Variants in PCGF2 observed in about 807,000 individuals in gnomAD.
PCGF2 encodes the protein polycomb group RING finger protein 2.
PCGF2 carries 8 observed loss-of-function variants against 36.1 expected under a neutral mutation model. That is an observed-to-expected ratio of 0.22 (90% CI 0.13 to 0.40). The LOEUF (loss-of-function observed/expected upper bound fraction) is 0.40, where lower values mean the gene tolerates loss of function less well. Among genes scored for constraint, PCGF2 ranks in the 10% least tolerant of loss-of-function variants. PCGF2 has a pLI of 1.00. For missense variants in PCGF2, 436 were observed against 475.9 expected (o/e 0.92, Z 0.78); for synonymous variants, 198 against 191.2 (o/e 1.04, Z -0.29).
intron 2 of PCGF2, chr17:38,746,342 A>G (rs1249931148): frequency 6.7e-6 from 1 of 149,792 alleles, no homozygotes; most frequent in African/African-American, 2.5e-5. Context: ...CACACACACA[A>G]TCACAGCCAG....
At position 38,737,910 on chromosome 17, in the gene PCGF2, CA is replaced by C. The variant is rs57011839; in HGVS notation, c.576+442del. Among the ~76,000 whole-genome samples the C allele has an allele frequency of 8.0e-3, 713 of 89,256 alleles. 5 individuals are homozygous for C. The highest frequency in any genetic ancestry group is 0.028 in the African/African-American group (608 of 21,522). The allele number at this position is 89,256 out of a possible 152,430, so 58.6% of individuals were successfully genotyped here. The stretch of plus-strand genomic sequence containing the variant: ...CTGGTGACAGAGCAAGACTCCATCT[CA>C]AAAAAAAAAAAAAAAAAGGAAATAT... On this transcript the variant is annotated intron_variant, in intron 9 of 10. Transcript: ENST00000620225.
At chr17:38,746,156 CCCTT>C (rs1369913585) in intron 2 of PCGF2, among the ~76,000 whole-genome samples, 1 of 152,054 alleles carries the variant, frequency 6.6e-6, no homozygotes, top group Non-Finnish European at 1.5e-5. Flanking sequence ...ACTCAACCCT[CCCTT>C]CCTCCCTCTC....
chr17:38,742,760 T>C (rs945821990), intron 2 of PCGF2, among the ~76,000 whole-genome samples: 2 of 152,202 alleles, frequency 1.3e-5, no homozygotes, highest in African/African-American at 4.8e-5. Context: ...ACAATCCAAG[T>C]GGCTGTCTCT....
intron 3 of PCGF2, among the ~76,000 whole-genome samples, chr17:38,740,009 C>T (rs1036693774): frequency 6.6e-6 from 1 of 152,226 alleles, no homozygotes. Context: ...GCCCACAGTG[C>T]AAACAAGGGG....
chr17:38,739,016 A>G lies in PCGF2; in HGVS notation c.316+52T>C. ...GGGTGAGGGGTAGCGCTACACACCT[A>G]CATGGTCCCAGGCAAGACTGTGCAC... On this transcript the variant is annotated intron_variant, in intron 6 of 10. Transcript: ENST00000620225. This position sits in a 1 kb window ranked among gnomAD's most constrained non-coding sequence, Gnocchi z 4.0. The G allele has an allele frequency of 1.2e-6, 2 of 1,603,204 alleles. No individual in the cohort carries two copies. Among genetic ancestry groups the G allele is most frequent in the Non-Finnish European group, 1.7e-6 (2 of 1,171,866 alleles).
In PCGF2 at chr17:38,735,799, G is replaced by A. The variant is rs184133159; in HGVS notation, c.658-199C>T. Among the ~76,000 whole-genome samples the A allele has an allele frequency of 6.6e-5, 10 of 152,288 alleles. No homozygotes were observed. In the East Asian group the frequency reaches 1.7e-3, roughly 26 times the overall value. On this transcript the variant is annotated intron_variant, in intron 10 of 10. Coordinates refer to ENST00000620225, the MANE Select transcript of PCGF2 (RefSeq NM_007144.3). ...GAAAAGGTCTAAGAGCAGAGACTCC[G>A]TCAGAGAGGAGACGGGAGAGAGGGA...
chr17:38,735,566 G>T lies in PCGF2; in HGVS notation c.692C>A (p.Pro231Gln). 1 of 1,584,148 alleles carries T rather than the reference G, an allele frequency of 6.3e-7. No individual in the cohort carries two copies. Among genetic ancestry groups the T allele is most frequent in the Non-Finnish European group, 8.6e-7 (1 of 1,164,390 alleles). ...GPLPLKYRVQ[P>Q]ACKRLTLATV... Reference sequence around the variant, plus strand: ...GGCTAGGGTGAGCCGCTTGCAGGCTGGCTGGACACGGTACTTGAGGGGGAG... The same window carrying T: ...GGCTAGGGTGAGCCGCTTGCAGGCTTGCTGGACACGGTACTTGAGGGGGAG... The change falls in exon 11 of 11, where the codon CCA (proline) becomes CAA (glutamine). Residue 231 changes from proline to glutamine, a missense_variant. By Grantham distance (76) the Pro-to-Gln change is moderately conservative. Around this residue, in one of 3 missense-constraint regions of PCGF2, gnomAD observed 227 missense variants for 212.9 expected, o/e 1.07. Transcript: ENST00000620225.
chr17:38,735,258 T>C lies in PCGF2; in HGVS notation c.1000A>G (p.Thr334Ala). 6.8e-7 allele frequency: 1 copy of C among 1,461,522 alleles called. No individual in the cohort carries two copies. Among genetic ancestry groups the C allele is most frequent in the East Asian group, 2.5e-5 (1 of 40,056 alleles). 90.5% of individuals were successfully genotyped at this position (1,461,522 alleles called of 1,614,324 possible). The change falls in exon 11 of 11, where the codon ACT becomes GCT. Residue 334 changes from threonine (T) to alanine (A), a missense_variant. Coordinates refer to ENST00000620225, the MANE Select transcript of PCGF2 (RefSeq NM_007144.3). The stretch of plus-strand genomic sequence containing the variant: ...GGGGGCACGGGAGCGCCGTTGACAG[T>C]CATCTTGCGCCCCCTGCTGGTGGAG... ...PSSTSRGRKMTVNGAPVPPLT is the reference protein window; with the variant it reads ...PSSTSRGRKMAVNGAPVPPLT
At chr17:38,743,236 G>T (rs893202617) in intron 2 of PCGF2, among the ~76,000 whole-genome samples, 1 of 150,964 alleles carries the variant, frequency 6.6e-6, no homozygotes, top group Non-Finnish European at 1.5e-5. Flanking sequence ...AATCACAGGT[G>T]CATGCCACCA....
At chr17:38,741,682 C>T (rs949010692) in intron 2 of PCGF2, among the ~76,000 whole-genome samples, 17 of 152,184 alleles carry the variant, frequency 1.1e-4, no homozygotes, top group African/African-American at 2.9e-4. Context: ...ATCCACCATA[C>T]GCTAATCATT....
Position 38,740,279 on chromosome 17 carries a change from C to T in PCGF2, c.112+12G>A. The T allele has an allele frequency of 6.2e-7, 1 of 1,610,710 alleles. No individual in the cohort carries two copies. The highest frequency in any genetic ancestry group is 8.5e-7 in the Non-Finnish European group (1 of 1,176,914). ...CTGCCCACCCTGAGCAGCTCCCCTC[C>T]CCCCAACTCACAGGAATGCAGGCAC... On this transcript the variant is annotated intron_variant, in intron 3 of 10. Coordinates refer to ENST00000620225, the MANE Select transcript of PCGF2 (RefSeq NM_007144.3).
At chr17:38,735,933 C>T (rs1906681708) in intron 10 of PCGF2, among the ~76,000 whole-genome samples, 157 bp downstream of exon 10, 1 of 152,148 alleles carries the variant, frequency 6.6e-6, no homozygotes, top group South Asian at 2.1e-4. Flanking sequence ...AAGAGATGGC[C>T]CAGAGGCTGA....
chr17:38,748,911 C>T (rs1907737175), upstream of PCGF2, among the ~76,000 whole-genome samples: 1 of 152,182 alleles, frequency 6.6e-6, no homozygotes, highest in Non-Finnish European at 1.5e-5. Context: ...CCCCTTGCCC[C>T]CTCGGCGGCA....
chr17:38,737,274 C>G (rs1405008940), intron 9 of PCGF2, among the ~76,000 whole-genome samples: 2 of 152,092 alleles, frequency 1.3e-5, no homozygotes, highest in East Asian at 3.9e-4. Context: ...ACCAGCCTGG[C>G]CAACATGGTG....
intron 9 of PCGF2, 71 bp downstream of exon 9, chr17:38,738,282 G>A (rs1436658909): frequency 2.3e-6 from 3 of 1,302,322 alleles, no homozygotes; most frequent in Admixed American, 1.8e-5. Context: ...TCTGACCAAT[G>A]GCTGGGCTGC....
chr17:38,736,765 C>A (rs1017356814), intron 9 of PCGF2, among the ~76,000 whole-genome samples: 4 of 151,912 alleles, frequency 2.6e-5, no homozygotes, highest in African/African-American at 9.7e-5. Flanking sequence ...ACCCGGGAGG[C>A]GGAGCTTGCA....
chr17:38,737,745 C>A (rs1174109188), intron 9 of PCGF2, among the ~76,000 whole-genome samples: 1 of 150,862 alleles, frequency 6.6e-6, no homozygotes, highest in Non-Finnish European at 1.5e-5. Flanking sequence ...AACCCTGTCT[C>A]TACTAAAACT....
rs1906578719 is a variant in PCGF2 at position 38,735,115 on chromosome 17, C to A, written c.*108G>T. 3.4e-6 allele frequency: 3 copies of A among 871,070 alleles called. No individual in the cohort carries two copies. 54.0% of individuals were successfully genotyped at this position (871,070 alleles called of 1,614,324 possible). A position where few individuals can be genotyped will look rare whatever the true frequency, so the allele number is the denominator to read the frequency against. Reference sequence around the variant, plus strand: ...TTTATTTATAAAACCCGCCCCCCACCCCCAAGGTGGGAAGAGCTGGGGAAA... The same window carrying A: ...TTTATTTATAAAACCCGCCCCCCACACCCAAGGTGGGAAGAGCTGGGGAAA... On this transcript the variant is annotated 3_prime_UTR_variant, in exon 11 of 11. Transcript: ENST00000620225.
In PCGF2 at chr17:38,734,274, G is replaced by C. The variant is rs1455191318; in HGVS notation, c.*949C>G. ...CTCAGCTGGGGGTGGAGGGGCAATT[G>C]GAAGGCTGTTTGCCTCTGGCAAAGT... is the stretch of plus-strand genomic sequence containing the variant. On this transcript the variant is annotated 3_prime_UTR_variant, in exon 11 of 11. Transcript: ENST00000620225. 1 of 152,762 alleles carries C rather than the reference G, an allele frequency of 6.5e-6. No homozygotes were observed. The highest frequency in any genetic ancestry group is 1.5e-5 in the Non-Finnish European group (1 of 68,226). 9.5% of individuals were successfully genotyped at this position (152,762 alleles called of 1,614,324 possible). A position where few individuals can be genotyped will look rare whatever the true frequency, so the allele number is the denominator to read the frequency against.
Sources: allele counts gnomAD v4.1 joint callset (sites outside exome capture counted in the v4.1 genomes callset), GRCh38; gene constraint gnomAD v4.1.1; regional missense constraint gnomAD v4.1.1; non-coding constraint Gnocchi (gnomAD v3.1); transcripts MANE v1.5; gene names NCBI Gene and HGNC (gene_info 2026-07-23, HGNC 2026-07-21).